Variants in PCDHGA9 observed in about 807,000 individuals in gnomAD.
PCDHGA9 encodes protocadherin gamma subfamily A, 9.
Under a neutral mutation model 62.5 loss-of-function variants are expected in PCDHGA9, and 37 were observed. The observed-to-expected ratio is 0.59, with a 90% CI of 0.46 to 0.78. PCDHGA9 has a LOEUF of 0.78. Among genes scored for constraint, PCDHGA9 ranks in the 30% least tolerant of loss-of-function variants. The pLI, the probability that PCDHGA9 is intolerant of heterozygous loss-of-function variation, is 0.00. For synonymous variants in PCDHGA9, 459 were observed against 484.6 expected (o/e 0.95, Z 0.69); for missense variants, 1,138 against 1,166.2 (o/e 0.98, Z 0.35).
At chr5:141,433,207 TC>T (rs780557883) in intron 1 of PCDHGA9, 10 of 1,568,868 alleles carry the variant, frequency 6.4e-6, no homozygotes, top group African/African-American at 1.4e-5. Flanking sequence ...AAATCTTCTT[TC>T]TTTTTTTTTT....
At chr5:141,480,167 G>C (rs752444894) in intron 1 of PCDHGA9, among the ~76,000 whole-genome samples, 3 of 151,964 alleles carry the variant, frequency 2.0e-5, no homozygotes, top group Non-Finnish European at 2.9e-5. Flanking sequence ...ATTTTGGGAG[G>C]CTGAGGCAGG....
At position 141,484,465 on chromosome 5, in the gene PCDHGA9, A is replaced by G. The variant is rs2099596840; in HGVS notation, c.2425-10342A>G. On this transcript the variant is annotated intron_variant, in intron 1 of 3. Coordinates refer to ENST00000573521, the MANE Select transcript of PCDHGA9 (RefSeq NM_018921.3). ...ATTTAATTGGCTACGTTAATGTGTA[A>G]GCCTTTTCTGCAAAGAGATGGATCC... is the stretch of plus-strand genomic sequence containing the variant. Among the ~76,000 whole-genome samples, 4 of 152,236 alleles carry G rather than the reference A, an allele frequency of 2.6e-5. No individual in the cohort carries two copies. In the South Asian group the frequency reaches 6.2e-4, roughly 24 times the overall value.
chr5:141,483,121 T>C (rs922863446), intron 1 of PCDHGA9, among the ~76,000 whole-genome samples: 1 of 152,052 alleles, frequency 6.6e-6, no homozygotes, highest in Admixed American at 6.6e-5. Flanking sequence ...ACAGTCTTTG[T>C]AGGAGATGAG....
At chr5:141,470,511 A>T (rs1043414941) in intron 1 of PCDHGA9, among the ~76,000 whole-genome samples, 37 of 152,198 alleles carry the variant, frequency 2.4e-4, no homozygotes, top group African/African-American at 8.7e-4. Flanking sequence ...TTAGACAGTT[A>T]GCTAATATTA....
In PCDHGA9 at chr5:141,440,050, G is replaced by C. The variant is rs747798063; in HGVS notation, c.2424+34674G>C. On this transcript the variant is annotated intron_variant, in intron 1 of 3. Coordinates refer to ENST00000573521, the MANE Select transcript of PCDHGA9 (RefSeq NM_018921.3). ...GTGTCGAGGACATGCCCACTTGAAA[G>C]CTTCGGGTTAATGCTGAGGAATAAT... 6 of 152,826 alleles carry C rather than the reference G, an allele frequency of 3.9e-5. No homozygotes were observed. The East Asian group carries it at 1.2e-3, about 29-fold the overall frequency. 9.5% of individuals were successfully genotyped at this position (152,826 alleles called of 1,614,324 possible). A position where few individuals can be genotyped will look rare whatever the true frequency, so the allele number is the denominator to read the frequency against.
intron 1 of PCDHGA9, among the ~76,000 whole-genome samples, chr5:141,453,288 ATTAT>A (rs577328880): frequency 4.0e-5 from 6 of 151,342 alleles, no homozygotes; most frequent in Admixed American, 1.3e-4. Context: ...TAATTTTTTA[ATTAT>A]TTATTTATTT....
intron 1 of PCDHGA9, chr5:141,408,899 A>G (rs1379621758): frequency 1.2e-6 from 2 of 1,613,316 alleles, no homozygotes; most frequent in Non-Finnish European, 8.5e-7. Context: ...AATTTCTGTC[A>G]AGGATACCAA....
chr5:141,403,625 A>G lies in PCDHGA9; in HGVS notation c.673A>G (p.Thr225Ala), dbSNP rs2094436092. The change falls in exon 1 of 4, where the codon ACA becomes GCA. Residue 225 changes from threonine (T) to alanine (A), a missense_variant. Transcript: ENST00000573521. ...SDGGEPRRSS[T>A]VRIHVTVLDT... ...TGGCGGCGAGCCGCGTCGCTCCAGC[A>G]CAGTGCGCATCCATGTGACAGTGTT... is the stretch of plus-strand genomic sequence containing the variant. 1 of 1,613,818 alleles carries G rather than the reference A, an allele frequency of 6.2e-7. No individual in the cohort carries two copies. Among genetic ancestry groups the G allele is most frequent in the African/African-American group, 1.3e-5 (1 of 74,960 alleles).
At chr5:141,445,524 TA>T (rs1180348783) in intron 1 of PCDHGA9, among the ~76,000 whole-genome samples, 1 of 152,192 alleles carries the variant, frequency 6.6e-6, no homozygotes, top group Admixed American at 6.5e-5. Flanking sequence ...ACAGGTCTGA[TA>T]AAAGCCAACA....
rs983998465 is a variant in PCDHGA9 at position 141,494,817 on chromosome 5, C to T, written c.2435C>T (p.Pro812Leu). ...EDTPLVPQAP[P>L]NTDWRFSQAQ... ...CTGTTTTCTCCACAGCAAGCCCCGC[C>T]CAACACGGACTGGCGTTTCTCTCAG... The change falls in exon 2 of 4, where the codon CCC becomes CTC. Residue 812 changes from proline to leucine, a missense_variant. Transcript: ENST00000573521. 1.2e-6 allele frequency: 2 copies of T among 1,614,016 alleles called. No individual in the cohort carries two copies. Among genetic ancestry groups the T allele is most frequent in the Non-Finnish European group, 1.7e-6 (2 of 1,180,026 alleles).
At chr5:141,468,330 C>CAAAAAAAAAAAA (rs533390277) in intron 1 of PCDHGA9, 1 of 79,864 alleles carries the variant, frequency 1.3e-5, no homozygotes, top group African/African-American at 3.9e-5. Context: ...AACTCCATCT[C>CAAAAAAAAAAAA]AAAAAAAAAA....
At position 141,477,965 on chromosome 5, in the gene PCDHGA9, A is replaced by G. The variant is rs1415974296; in HGVS notation, c.2425-16842A>G. On this transcript the variant is annotated intron_variant, in intron 1 of 3. Coordinates refer to ENST00000573521, the MANE Select transcript of PCDHGA9 (RefSeq NM_018921.3). This position sits in a 1 kb window ranked among gnomAD's most constrained non-coding sequence, Gnocchi z 4.9. ...CAGTCTCTTGGGATCCCCTAACCAGAGCCTTTTTGCCATAGGGCTGCACAC... is the reference window on the plus strand; with the variant it reads ...CAGTCTCTTGGGATCCCCTAACCAGGGCCTTTTTGCCATAGGGCTGCACAC... 4 of 1,614,030 alleles carry G rather than the reference A, an allele frequency of 2.5e-6. No individual in the cohort carries two copies. In the Middle Eastern group the frequency reaches 4.9e-4, roughly 200 times the overall value.
rs764957747 is a variant in PCDHGA9, at chr5:141,505,453, G to A, written c.2544G>A (p.Leu848=). Residue 848 remains leucine (L), a synonymous_variant, in exon 3 of 4, where the codon CTG becomes CTA. Coordinates refer to ENST00000573521, the MANE Select transcript of PCDHGA9 (RefSeq NM_018921.3). ...ACAACCAGTTTGACACAGAGATGCT[G>A]CAAGCCATGATCTTGGCGTCCGCCA... ...WPNNQFDTEM[L]QAMILASASE... 3 of 1,614,190 alleles carry A rather than the reference G, an allele frequency of 1.9e-6. No individual in the cohort carries two copies. Among genetic ancestry groups the A allele is most frequent in the Non-Finnish European group, 2.5e-6 (3 of 1,180,012 alleles).
chr5:141,495,103 C>T (rs1383918796), intron 2 of PCDHGA9, among the ~76,000 whole-genome samples: 2 of 152,132 alleles, frequency 1.3e-5, no homozygotes, highest in Non-Finnish European at 2.9e-5. Context: ...TCGCCACGAC[C>T]GGCACCTTTT....
rs775204388 is a variant in PCDHGA9, at chr5:141,490,235, G to T, written c.2425-4572G>T. On this transcript the variant is annotated intron_variant, in intron 1 of 3. Transcript: ENST00000573521. This position sits in a 1 kb window ranked among gnomAD's most constrained non-coding sequence, Gnocchi z 5.4. ...GACCAGGGACAGCCTGCCATGGAGG[G>T]CCACTGTGTGATTCAAGTGGATGTG... 1 of 1,614,228 alleles carries T rather than the reference G, an allele frequency of 6.2e-7. No homozygotes were observed. The highest frequency in any genetic ancestry group is 1.1e-5 in the South Asian group (1 of 91,084).
intron 1 of PCDHGA9, among the ~76,000 whole-genome samples, chr5:141,465,907 G>C (rs1367648934): frequency 6.6e-6 from 1 of 152,056 alleles, no homozygotes; most frequent in East Asian, 1.9e-4. Flanking sequence ...CAAATCACGA[G>C]GTCAGGATTT....
At position 141,485,062 on chromosome 5, in the gene PCDHGA9, C is replaced by A; in HGVS notation, c.2425-9745C>A. 1 of 876,340 alleles carries A rather than the reference C, an allele frequency of 1.1e-6. No individual in the cohort carries two copies. Among genetic ancestry groups the A allele is most frequent in the African/African-American group, 1.7e-5 (1 of 59,510 alleles). The allele number at this position is 876,340 out of a possible 1,614,324, so 54.3% of individuals were successfully genotyped here. On this transcript the variant is annotated intron_variant, in intron 1 of 3. Coordinates refer to ENST00000573521, the MANE Select transcript of PCDHGA9 (RefSeq NM_018921.3). This position sits in a 1 kb window ranked among gnomAD's most constrained non-coding sequence, Gnocchi z 5.7. ...CCTTGCGGCGCCGGCCGAACCGCGC[C>A]AGAGCTGGCGCGGGGAAAGGGAGAT...
intron 1 of PCDHGA9, among the ~76,000 whole-genome samples, chr5:141,420,626 C>T (rs1192244062): frequency 6.6e-6 from 1 of 152,152 alleles, no homozygotes; most frequent in Non-Finnish European, 1.5e-5. Flanking sequence ...TTCATTTACT[C>T]AATAAAGGAA....
intron 3 of PCDHGA9, among the ~76,000 whole-genome samples, chr5:141,510,639 T>TATCA (rs998925545): frequency 1.4e-4 from 22 of 152,300 alleles, no homozygotes; most frequent in African/African-American, 4.6e-4. Context: ...TGGTTACCAT[T>TATCA]ATCATCCCCA....
Sources: gnomAD v4.1 joint callset for allele counts (sites outside exome capture counted in the v4.1 genomes callset) on GRCh38, gnomAD v4.1.1 for gene constraint, Gnocchi (gnomAD v3.1) non-coding constraint, MANE v1.5 for transcripts, NCBI Gene and HGNC (gene_info 2026-07-23, HGNC 2026-07-21) for gene names.